SHANK2: variants seen among roughly 807,000 people sequenced by gnomAD.
SHANK2 encodes SH3 and multiple ankyrin repeat domains protein 2.
SHANK2 carries 43 observed loss-of-function variants against 133.7 expected under a neutral mutation model. That is an observed-to-expected ratio of 0.32 (90% CI 0.25 to 0.41). The LOEUF (loss-of-function observed/expected upper bound fraction) is 0.41. Ranked by LOEUF, SHANK2 falls within the 10% of genes least tolerant of loss-of-function variation. SHANK2 has a pLI of 1.00. For missense variants in SHANK2, 1,994 were observed against 2,235.8 expected (o/e 0.89, Z 2.18); for synonymous variants, 1,017 against 952.8 (o/e 1.07, Z -1.24).
chr11:71,183,968 T>C (rs1273912955), intron 2 of SHANK2, among the ~76,000 whole-genome samples: 8 of 152,116 alleles, frequency 5.3e-5, no homozygotes, highest in African/African-American at 2.4e-5. Flanking sequence ...AGGGGTGTGT[T>C]CTACGCTTGT....
chr11:70,889,460 G>A (rs1217221619), intron 11 of SHANK2, among the ~76,000 whole-genome samples: 2 of 152,184 alleles, frequency 1.3e-5, no homozygotes, highest in African/African-American at 4.8e-5. Context: ...CCGGGAACCG[G>A]GTACACAGCC....
intron 2 of SHANK2, among the ~76,000 whole-genome samples, chr11:71,163,066 C>A (rs541504164): frequency 1.2e-5 from 1 of 81,524 alleles, no homozygotes; most frequent in Admixed American, 1.3e-4. Context: ...GAGTGAGACT[C>A]TGTCTAAAAA....
intron 11 of SHANK2, among the ~76,000 whole-genome samples, chr11:70,867,133 A>AG (rs1256305723): frequency 8.2e-4 from 123 of 150,458 alleles, no homozygotes; most frequent in East Asian, 2.3e-3. Flanking sequence ...AAAAAAAAAA[A>AG]AGAGAGAGAG....
At position 71,216,838 on chromosome 11, in the gene SHANK2, G is replaced by GA. The variant is rs1284151250; in HGVS notation, c.-13+7858dup. On this transcript the variant is annotated intron_variant, in intron 2 of 25. Coordinates refer to ENST00000601538, the MANE Select transcript of SHANK2 (RefSeq NM_012309.5). ...GTAGGTACATAGTACTCAATAATAA[G>GA]AAAAAACTATGTTACTGGTTTATGC... Among the ~76,000 whole-genome samples, 3 of 152,236 alleles carry GA rather than the reference G, an allele frequency of 2.0e-5. No homozygotes were observed. The East Asian group carries it at 5.8e-4, about 29-fold the overall frequency.
intron 17 of SHANK2, chr11:70,604,783 T>C (rs1179479320): frequency 6.6e-6 from 1 of 152,302 alleles, no homozygotes; most frequent in African/African-American, 2.4e-5. Flanking sequence ...GGGTCAGTCA[T>C]ATGATCCTCA....
Position 70,486,905 on chromosome 11 carries a change from C to T in SHANK2, c.3388G>A (p.Gly1130Arg). ...GCGCTGTCCTCGTCAGCAAAATCCC[C>T]CTCCTCGGGGAACATGGAGGGCCGC... ...RTRPSMFPEE[G>R]DFADEDSAEQ... Residue 1130 changes from glycine (G) to arginine (R), a missense_variant, in exon 25 of 26, where the codon GGG (glycine) becomes AGG (arginine). This residue lies in a region of SHANK2 where 797 missense variants were observed against 907.4 expected (regional missense o/e 0.88). Transcript: ENST00000601538. This position sits in a 1 kb window ranked among gnomAD's most constrained non-coding sequence, Gnocchi z 8.0. 6.2e-7 allele frequency: 1 copy of T among 1,612,676 alleles called. No individual in the cohort carries two copies. Among genetic ancestry groups the T allele is most frequent in the Non-Finnish European group, 8.5e-7 (1 of 1,179,832 alleles).
At chr11:71,244,969 G>A (rs1435999346) in intron 1 of SHANK2, among the ~76,000 whole-genome samples, 2 of 152,018 alleles carry the variant, frequency 1.3e-5, no homozygotes, top group African/African-American at 2.4e-5. Flanking sequence ...CTCCCAAAGT[G>A]CTGGGGTTAC....
intron 14 of SHANK2, among the ~76,000 whole-genome samples, chr11:70,783,995 C>T (rs1187698183): frequency 1.3e-5 from 2 of 152,108 alleles, no homozygotes; most frequent in Non-Finnish European, 2.9e-5. Flanking sequence ...GTGTGAGACA[C>T]AGGGCAGGGG....
intron 17 of SHANK2, among the ~76,000 whole-genome samples, chr11:70,548,166 G>A (rs149876523): frequency 1.3e-5 from 2 of 152,372 alleles, no homozygotes; most frequent in African/African-American, 4.8e-5. Flanking sequence ...CGGGTGGGCT[G>A]TGCCCAGACA....
chr11:71,142,629 C>T (rs1555105988), intron 3 of SHANK2, among the ~76,000 whole-genome samples: 1 of 152,082 alleles, frequency 6.6e-6, no homozygotes, highest in African/African-American at 2.4e-5. Flanking sequence ...ATTACTATCC[C>T]TGAAATAAAG....
At position 70,501,822 on chromosome 11, in the gene SHANK2, C is replaced by G. The variant is rs564809746; in HGVS notation, c.2287+101G>C. 2.6e-3 allele frequency: 3,161 copies of G among 1,219,132 alleles called. 6 individuals are homozygous for G. The highest frequency in any genetic ancestry group is 3.4e-3 in the Non-Finnish European group (2,870 of 850,206). 75.5% of individuals were successfully genotyped at this position (1,219,132 alleles called of 1,614,324 possible). A position where few individuals can be genotyped will look rare whatever the true frequency, so the allele number is the denominator to read the frequency against. On this transcript the variant is annotated intron_variant, in intron 20 of 25. Coordinates refer to ENST00000601538, the MANE Select transcript of SHANK2 (RefSeq NM_012309.5). ...CTTCTGGTCTGAGCCACGTGGGGAGCAGCTCACACAGGCCTCCGAGGCCTG... is the reference window on the plus strand; with the variant it reads ...CTTCTGGTCTGAGCCACGTGGGGAGGAGCTCACACAGGCCTCCGAGGCCTG...
rs528508391 is a variant in SHANK2, at chr11:70,909,256, C to A, written c.1108-12689G>T. 9.8e-5 allele frequency among the ~76,000 whole-genome samples: 15 copies of A among 152,310 alleles called. No individual in the cohort carries two copies. In the South Asian group the frequency reaches 1.0e-3, roughly 11 times the overall value. ...ATTTTCAAGAGTGACTCTGGTGGGA[C>A]CCTGGGGCTAGAAAGGCGTGAGCCC... On this transcript the variant is annotated intron_variant, in intron 10 of 25. Transcript: ENST00000601538.
intron 2 of SHANK2, among the ~76,000 whole-genome samples, chr11:71,151,626 G>A (rs1952798315): frequency 6.6e-6 from 1 of 152,200 alleles, no homozygotes; most frequent in East Asian, 1.9e-4. Context: ...ACTCATTAAT[G>A]CAGAAAGAAG....
chr11:70,935,486 G>A (rs1002074959), intron 10 of SHANK2, among the ~76,000 whole-genome samples: 34 of 152,052 alleles, frequency 2.2e-4, no homozygotes, highest in Non-Finnish European at 8.8e-5. Flanking sequence ...CGGGTTCAAG[G>A]ACACCTCTGA....
At chr11:70,596,672 G>T (rs1288196132) in intron 17 of SHANK2, among the ~76,000 whole-genome samples, 2 of 152,224 alleles carry the variant, frequency 1.3e-5, no homozygotes, top group Admixed American at 6.5e-5. Flanking sequence ...CCTTCCCTCA[G>T]GCCTTCCTTC....
chr11:70,839,365 C>A (rs1314808872), intron 11 of SHANK2, among the ~76,000 whole-genome samples: 1 of 152,236 alleles, frequency 6.6e-6, no homozygotes, highest in Non-Finnish European at 1.5e-5. Flanking sequence ...CTCCCCACCC[C>A]ACTCCACAGC....
At chr11:71,218,636 C>T (rs897730212) in intron 2 of SHANK2, among the ~76,000 whole-genome samples, 4 of 152,068 alleles carry the variant, frequency 2.6e-5, no homozygotes, top group Non-Finnish European at 5.9e-5. Context: ...ACCTTCATCG[C>T]TACCTTCTCA....
chr11:70,672,619 T>TGCC (rs1418279242), intron 15 of SHANK2, among the ~76,000 whole-genome samples: 1 of 152,276 alleles, frequency 6.6e-6, no homozygotes, highest in African/African-American at 2.4e-5. Flanking sequence ...AGATGGGCCT[T>TGCC]GCCGCCTGGT....
At chr11:71,133,278 A>T (rs868965304) in intron 3 of SHANK2, among the ~76,000 whole-genome samples, 8 of 129,594 alleles carry the variant, frequency 6.2e-5, no homozygotes, top group African/African-American at 2.3e-4. Flanking sequence ...GGATGGATGG[A>T]TGGCCGGCCG....
Sources: gnomAD v4.1 joint callset for allele counts (sites outside exome capture counted in the v4.1 genomes callset) on GRCh38, gnomAD v4.1.1 for gene constraint, gnomAD v4.1.1 regional missense constraint, Gnocchi (gnomAD v3.1) non-coding constraint, MANE v1.5 for transcripts, NCBI Gene and HGNC (gene_info 2026-07-23, HGNC 2026-07-21) for gene names.